The following PLD1 variants were observed in gnomAD, a reference collection of about 807,000 sequenced individuals.
PLD1 encodes phospholipase D1.
PLD1 carries 112 observed loss-of-function variants against 137.1 expected under a neutral mutation model. The observed-to-expected ratio is 0.82, with a 90% CI of 0.70 to 0.96. The LOEUF is 0.96. Ranked by LOEUF, PLD1 falls within the 40% of genes least tolerant of loss-of-function variation. The probability of loss-of-function intolerance (pLI) is 0.00; values close to 1 mark genes in which losing one functional copy is unlikely to be tolerated. For synonymous variants in PLD1, 431 were observed against 454.7 expected, an observed-to-expected ratio of 0.95 and a Z score of 0.66; for missense variants, 1,321 against 1,342.0, an observed-to-expected ratio of 0.98 and a Z score of 0.24.
intron 19 of PLD1, among the ~76,000 whole-genome samples, chr3:171,671,834 C>T (rs1712793152): frequency 1.3e-5 from 2 of 151,924 alleles, no homozygotes; most frequent in Non-Finnish European, 2.9e-5. Flanking sequence ...CAGGTAAATT[C>T]AGTTTGGAAA....
chr3:171,642,738 A>G, intron 23 of PLD1, 102 bp downstream of exon 23: 1 of 687,992 alleles, frequency 1.5e-6, no homozygotes, highest in East Asian at 2.8e-5. Flanking sequence ...GGTACCTTTT[A>G]TAAACAGAGT....
At chr3:171,803,095 T>C in intron 1 of PLD1, among the ~76,000 whole-genome samples, 1 of 152,180 alleles carries the variant, frequency 6.6e-6, no homozygotes, top group Non-Finnish European at 1.5e-5. Flanking sequence ...TAGCCAGACT[T>C]TGGAACTACT....
At chr3:171,684,297 C>T (rs992067912) in intron 16 of PLD1, among the ~76,000 whole-genome samples, 1 of 152,182 alleles carries the variant, frequency 6.6e-6, no homozygotes. Context: ...TCCTTTCCTC[C>T]ACTTCATTTT....
At chr3:171,791,414 C>T (rs1371155464) in intron 1 of PLD1, among the ~76,000 whole-genome samples, 1 of 152,140 alleles carries the variant, frequency 6.6e-6, no homozygotes, top group Non-Finnish European at 1.5e-5. Context: ...TCTGGATGCT[C>T]GTGAACATAA....
chr3:171,684,224 A>G (rs1340704218), intron 16 of PLD1, among the ~76,000 whole-genome samples: 4 of 152,184 alleles, frequency 2.6e-5, no homozygotes, highest in African/African-American at 9.7e-5. Context: ...CTTGCTGTCA[A>G]TCCTATTGCC....
chr3:171,658,449 C>G (rs1438807009), intron 21 of PLD1, among the ~76,000 whole-genome samples: 1 of 152,134 alleles, frequency 6.6e-6, no homozygotes, highest in Non-Finnish European at 1.5e-5. Context: ...GGTATATCCA[C>G]ATCATGGAAT....
chr3:171,801,743 C>T (rs558003558), intron 1 of PLD1, among the ~76,000 whole-genome samples: 44 of 152,288 alleles, frequency 2.9e-4, no homozygotes, highest in African/African-American at 1.0e-3. Flanking sequence ...GCCTGCCTTT[C>T]TTACAAAGTG....
At chr3:171,650,498 A>T (rs1021760133) in intron 21 of PLD1, among the ~76,000 whole-genome samples, 9 of 152,158 alleles carry the variant, frequency 5.9e-5, no homozygotes, top group Non-Finnish European at 1.0e-4. Flanking sequence ...CTTTCCAAAG[A>T]TCCAGGGCCC....
In PLD1 at chr3:171,733,357, C is replaced by G. The variant is rs140186458; in HGVS notation, c.606+87G>C. ...ACGAATGTAGGTGTGGATACAATCA[C>G]TTGTGTTATTAAAATGATCCAAAAT... On this transcript the variant is annotated intron_variant, in intron 6 of 26. Coordinates refer to ENST00000351298, the MANE Select transcript of PLD1 (RefSeq NM_002662.5). 1.1e-3 allele frequency: 699 copies of G among 653,416 alleles called. 1 individual carries two copies. The African/African-American group carries it at 0.011, about 10-fold the overall frequency. The allele number at this position is 653,416 out of a possible 1,614,324, so 40.5% of individuals were successfully genotyped here.
intron 1 of PLD1, among the ~76,000 whole-genome samples, chr3:171,759,020 G>A (rs190497764): frequency 2.6e-5 from 4 of 152,318 alleles, no homozygotes; most frequent in Admixed American, 6.5e-5. Flanking sequence ...CTCAACATGT[G>A]TATGATATTA....
rs116023072 is a variant in PLD1, at chr3:171,670,651, G to C, written c.2229+3849C>G. Among the ~76,000 whole-genome samples, 444 of 152,324 alleles carry C rather than the reference G, an allele frequency of 2.9e-3. 1 individual carries two copies. The highest frequency in any genetic ancestry group is 4.1e-3 in the Non-Finnish European group (280 of 68,034). On this transcript the variant is annotated intron_variant, in intron 19 of 26. Coordinates refer to ENST00000351298, the MANE Select transcript of PLD1 (RefSeq NM_002662.5). Reference sequence around the variant, plus strand: ...TTAAGAGTTCATCAGTGATGTCCTAGTTTCTTAACTCTTATCCTTCCTTTT... The same window carrying C: ...TTAAGAGTTCATCAGTGATGTCCTACTTTCTTAACTCTTATCCTTCCTTTT...
intron 1 of PLD1, among the ~76,000 whole-genome samples, chr3:171,785,236 G>A (rs922434370): frequency 1.3e-4 from 20 of 152,086 alleles, no homozygotes; most frequent in Admixed American, 5.2e-4. Context: ...GACCGAATAC[G>A]GTATGAGTTA....
At chr3:171,664,459 AT>A (rs201782822) in intron 19 of PLD1, among the ~76,000 whole-genome samples, 3,590 of 142,316 alleles carry the variant, frequency 0.025, 115 homozygotes, top group African/African-American at 0.077. Flanking sequence ...AACCTCCAGG[AT>A]TTTTTTTTTT....
chr3:171,637,704 C>T (rs1735250669), intron 23 of PLD1, among the ~76,000 whole-genome samples: 2 of 152,074 alleles, frequency 1.3e-5, no homozygotes, highest in African/African-American at 4.8e-5. Context: ...AAACCTACTA[C>T]ACAAATCATA....
intron 21 of PLD1, among the ~76,000 whole-genome samples, chr3:171,645,814 G>A (rs574791098): frequency 2.0e-5 from 3 of 151,056 alleles, no homozygotes; most frequent in African/African-American, 7.3e-5. Context: ...AACCCGGGTG[G>A]CGGAGCTTGC....
intron 1 of PLD1, among the ~76,000 whole-genome samples, chr3:171,782,941 G>A (rs1722848852): frequency 6.6e-6 from 1 of 152,154 alleles, no homozygotes; most frequent in African/African-American, 2.4e-5. Context: ...GGGGTCCACT[G>A]GGGTGCAATG....
intron 19 of PLD1, among the ~76,000 whole-genome samples, chr3:171,667,423 CT>C (rs1011384261): frequency 6.6e-6 from 1 of 152,170 alleles, no homozygotes; most frequent in African/African-American, 2.4e-5. Flanking sequence ...AGGATGATTC[CT>C]TTCCTGAACA....
chr3:171,617,861 C>G (rs1182173419), intron 24 of PLD1, among the ~76,000 whole-genome samples: 1 of 152,090 alleles, frequency 6.6e-6, no homozygotes, highest in East Asian at 1.9e-4. Context: ...AAAAATTAAT[C>G]ATACATTACT....
intron 1 of PLD1, among the ~76,000 whole-genome samples, chr3:171,763,201 T>C (rs963932823): frequency 6.6e-5 from 10 of 151,932 alleles, no homozygotes; most frequent in African/African-American, 2.4e-4. Flanking sequence ...TCTCTGCTCA[T>C]TTATGATTTG....
Sources: gnomAD v4.1 joint callset for allele counts (sites outside exome capture counted in the v4.1 genomes callset) on GRCh38, gnomAD v4.1.1 for gene constraint, MANE v1.5 for transcripts, NCBI Gene and HGNC (gene_info 2026-07-23, HGNC 2026-07-21) for gene names.